ERGIC3: variants seen among roughly 807,000 people sequenced by gnomAD.
ERGIC3 encodes ERGIC and golgi 3, also known as endoplasmic reticulum-Golgi intermediate compartment protein 3.
In ERGIC3, 33 loss-of-function variants were observed where a neutral mutation model predicts 54.7. The ratio of observed to expected loss-of-function variants is 0.60; its 90% CI spans 0.46 to 0.81. The LOEUF is 0.81. Among genes scored for constraint, ERGIC3 ranks in the 30% least tolerant of loss-of-function variants. The pLI, the probability that ERGIC3 is intolerant of heterozygous loss-of-function variation, is 0.00. For synonymous variants in ERGIC3, 186 were observed against 189.8 expected (o/e 0.98, Z 0.16); for missense variants, 399 against 488.4 (o/e 0.82, Z 1.73).
chr20:35,542,291 G>T (rs373527239), intron 1 of ERGIC3, 32 bp from the exon 2 acceptor site: 19 of 1,614,000 alleles, frequency 1.2e-5, no homozygotes, highest in Non-Finnish European at 1.6e-5. Flanking sequence ...GCGGATTCGA[G>T]GCCATTCTGA....
intron 4 of ERGIC3, chr20:35,543,963 A>G (rs2064631674): frequency 4.7e-5 from 15 of 318,260 alleles, no homozygotes; most frequent in South Asian, 4.2e-4. Flanking sequence ...GGATTAGGGT[A>G]TCTCACGAGG....
chr20:35,546,982 G>A (rs927198636), intron 4 of ERGIC3, among the ~76,000 whole-genome samples: 1 of 152,166 alleles, frequency 6.6e-6, no homozygotes. Context: ...GGAGAGGTGT[G>A]AGGAGAAGCA....
intron 7 of ERGIC3, among the ~76,000 whole-genome samples, chr20:35,553,020 A>ATT (rs141438822): frequency 0.11 from 4,760 of 41,424 alleles, 1,569 homozygotes; most frequent in South Asian, 0.24. Flanking sequence ...AAAGCTGGGG[A>ATT]TTTTTTTTTT....
At chr20:35,542,727 G>T (rs1452155706) in intron 3 of ERGIC3, 95 bp from the exon 4 acceptor site, 1 of 1,607,774 alleles carries the variant, frequency 6.2e-7, no homozygotes, top group Non-Finnish European at 8.5e-7. Flanking sequence ...ATCCCGTTCT[G>T]CCCCAAGACA....
Position 35,548,512 on chromosome 20 carries a change from C to G in ERGIC3, c.465C>G (p.Cys155Trp), listed in dbSNP as rs1447770948. 1 of 1,613,942 alleles carries G rather than the reference C, an allele frequency of 6.2e-7. No individual in the cohort carries two copies. The part of the protein sequence containing the change: ...CYGAEAEDIK[C>W]CNTCEDVREA... ...ACCGTCACTCCCTGCCCTACAGGTG[C>G]TGTAACACCTGTGAAGATGTGCGGG... The change falls in exon 6 of 13, where the codon TGC (cysteine) becomes TGG (tryptophan). Residue 155 changes from cysteine to tryptophan, a missense_variant. Physicochemically the swap from Cys to Trp is radical, Grantham distance 215 (BLOSUM62 -2). Coordinates refer to ENST00000348547, the MANE Select transcript of ERGIC3 (RefSeq NM_015966.3).
intron 10 of ERGIC3, chr20:35,556,727 C>A: frequency 1.7e-6 from 1 of 588,070 alleles, no homozygotes; most frequent in Non-Finnish European, 3.1e-6. Context: ...GTGAGAACAC[C>A]CACCAAATGC....
intron 7 of ERGIC3, among the ~76,000 whole-genome samples, chr20:35,550,330 G>A (rs1167175373): frequency 2.0e-5 from 3 of 151,836 alleles, no homozygotes; most frequent in Non-Finnish European, 2.9e-5. Context: ...AATGAAGTGA[G>A]AGAGGCCGGG....
chr20:35,549,334 A>G (rs2147306497), intron 7 of ERGIC3: 2 of 416,944 alleles, frequency 4.8e-6, no homozygotes, highest in East Asian at 7.2e-5. Context: ...TTTGGGCCCT[A>G]TTTAGTTGCT....
chr20:35,550,691 G>A (rs1437237182), intron 7 of ERGIC3, among the ~76,000 whole-genome samples: 1 of 152,178 alleles, frequency 6.6e-6, no homozygotes, highest in African/African-American at 2.4e-5. Flanking sequence ...AGGGACTCGG[G>A]CCGTTACTCT....
intron 4 of ERGIC3, chr20:35,544,987 G>A (rs529579648): frequency 1.3e-5 from 2 of 152,182 alleles, no homozygotes; most frequent in Non-Finnish European, 2.9e-5. Flanking sequence ...ATTTTTGGTA[G>A]AGACAGGGTT....
intron 6 of ERGIC3, 56 bp from the exon 7 acceptor site, chr20:35,548,752 C>T (rs1454665698): frequency 6.2e-7 from 1 of 1,613,984 alleles, no homozygotes; most frequent in East Asian, 2.2e-5. Context: ...CCAGTCAGGC[C>T]CTGAGTAGGC....
chr20:35,549,082 T>A, intron 7 of ERGIC3: 9 of 675,392 alleles, frequency 1.3e-5, no homozygotes, highest in Non-Finnish European at 2.2e-5. Context: ...TTACTGGCTG[T>A]GTGACTTTGA....
intron 4 of ERGIC3, chr20:35,544,352 C>T (rs2064635740): frequency 4.0e-6 from 1 of 247,994 alleles, no homozygotes; most frequent in Non-Finnish European, 7.9e-6. Context: ...CTGCGCCTGG[C>T]CTACTTATTT....
chr20:35,553,020 A>ATTTTTTT lies in ERGIC3; in HGVS notation c.686-2002_686-1996dup, dbSNP rs141438822. Reference sequence around the variant, plus strand: ...TTTGCCCTGAGCTTCAAAGCTGGGGATTTTTTTTTTTTTTTTTTTTTTTTT... The same window carrying ATTTTTTT: ...TTTGCCCTGAGCTTCAAAGCTGGGGATTTTTTTTTTTTTTTTTTTTTTTTTTTTTTTT... On this transcript the variant is annotated intron_variant, in intron 7 of 12. Transcript: ENST00000348547. 1.5e-3 allele frequency among the ~76,000 whole-genome samples: 63 copies of ATTTTTTT among 41,562 alleles called. 17 individuals are homozygous for ATTTTTTT. The highest frequency in any genetic ancestry group is 3.5e-3 in the African/African-American group (42 of 12,090). The allele number at this position is 41,562 out of a possible 152,430, so 27.3% of individuals were successfully genotyped here.
intron 4 of ERGIC3, 153 bp from the exon 5 acceptor site, chr20:35,547,258 AG>A (rs1568869662): frequency 8.1e-6 from 5 of 616,668 alleles, no homozygotes; most frequent in Non-Finnish European, 1.5e-5. Flanking sequence ...ATATGTGTGT[AG>A]AAGTGCTTAA....
chr20:35,555,897 A>C, intron 8 of ERGIC3, 136 bp from the exon 9 acceptor site: 1 of 695,644 alleles, frequency 1.4e-6, no homozygotes, highest in Non-Finnish European at 2.4e-6. Context: ...GGAATGGGGG[A>C]TTCTTATCTC....
intron 7 of ERGIC3, 152 bp from the exon 8 acceptor site, chr20:35,554,892 G>A: frequency 1.1e-6 from 1 of 920,642 alleles, no homozygotes; most frequent in Non-Finnish European, 1.8e-6. Context: ...GCCCTTTCTG[G>A]CTGTCCTTAA....
intron 7 of ERGIC3, 28 bp from the exon 8 acceptor site, chr20:35,555,016 C>T (rs1454133534): frequency 3.1e-6 from 5 of 1,613,776 alleles, no homozygotes; most frequent in Non-Finnish European, 3.4e-6. Context: ...ATGACGCCTT[C>T]TCCCTTGCCT....
At chr20:35,556,507 G>A (rs2064713755) in intron 10 of ERGIC3, 2 of 560,686 alleles carry the variant, frequency 3.6e-6, no homozygotes, top group Non-Finnish European at 6.4e-6. Context: ...CCGTTCCTCC[G>A]GTGCCCACCG....
Sources: allele counts gnomAD v4.1 joint callset (sites outside exome capture counted in the v4.1 genomes callset), GRCh38; gene constraint gnomAD v4.1.1; transcripts MANE v1.5; gene names NCBI Gene and HGNC (gene_info 2026-07-23, HGNC 2026-07-21).